DDHD1: variants seen among roughly 807,000 people sequenced by gnomAD.
DDHD1 encodes the protein DDHD domain containing 1.
Under a neutral mutation model 96.4 loss-of-function variants are expected in DDHD1, and 49 were observed. That is an observed-to-expected ratio of 0.51 (90% CI 0.40 to 0.64). The LOEUF is 0.64. Among genes scored for constraint, DDHD1 ranks in the 30% least tolerant of loss-of-function variants. The pLI is 0.00. For missense variants in DDHD1, 1,106 were observed against 1,161.2 expected (o/e 0.95, Z 0.69); for synonymous variants, 442 against 446.5 (o/e 0.99, Z 0.13).
intron 4 of DDHD1, among the ~76,000 whole-genome samples, chr14:53,085,640 G>C (rs1375350584): frequency 6.6e-6 from 1 of 152,148 alleles, no homozygotes; most frequent in Non-Finnish European, 1.5e-5. Flanking sequence ...AACCCCATCT[G>C]TACGTCACCA....
At chr14:53,142,642 C>G (rs1272762113) in intron 1 of DDHD1, among the ~76,000 whole-genome samples, 1 of 152,202 alleles carries the variant, frequency 6.6e-6, no homozygotes, top group Non-Finnish European at 1.5e-5. Flanking sequence ...TGCATACCAA[C>G]AAAAGCAGAT....
chr14:53,072,518 A>T (rs1416759766), intron 6 of DDHD1, 79 bp downstream of exon 6: 1 of 757,126 alleles, frequency 1.3e-6, no homozygotes, highest in Non-Finnish European at 2.0e-6. Context: ...GCTTAAAAAA[A>T]ACATAAAATG....
intron 11 of DDHD1, chr14:53,053,433 G>T (rs555092087): frequency 3.3e-5 from 5 of 152,194 alleles, no homozygotes; most frequent in African/African-American, 9.6e-5. Flanking sequence ...TAAAAATGCT[G>T]TTGGCCCAAG....
intron 2 of DDHD1, among the ~76,000 whole-genome samples, chr14:53,102,110 G>C (rs1217454774): frequency 6.7e-6 from 1 of 150,280 alleles, no homozygotes; most frequent in Non-Finnish European, 1.5e-5. Flanking sequence ...TTAACAGAAG[G>C]AAAAAAAAAT....
chr14:53,134,315 A>T (rs1008389130), intron 1 of DDHD1, among the ~76,000 whole-genome samples: 2 of 152,168 alleles, frequency 1.3e-5, no homozygotes, highest in Non-Finnish European at 2.9e-5. Context: ...ACTATCCCCA[A>T]TCAGCCACTC....
rs1303862102 is a variant in DDHD1 at position 53,038,708 on chromosome 14, C to G, written c.*8060G>C. The G allele has an allele frequency of 1.3e-5, 2 of 152,076 alleles. No homozygotes were observed. Among genetic ancestry groups the G allele is most frequent in the Non-Finnish European group, 1.5e-5 (1 of 68,006 alleles). 9.4% of individuals were successfully genotyped at this position (152,076 alleles called of 1,614,324 possible). A position where few individuals can be genotyped will look rare whatever the true frequency, so the allele number is the denominator to read the frequency against. Reference sequence around the variant, plus strand: ...CAACTATTCTAAAATTCAGATGGAACCAAAGAAAGAGCCTGAATAGCCAAA... The same window carrying G: ...CAACTATTCTAAAATTCAGATGGAAGCAAAGAAAGAGCCTGAATAGCCAAA... On this transcript the variant is annotated 3_prime_UTR_variant, in exon 13 of 13. Coordinates refer to ENST00000673822, the MANE Select transcript of DDHD1 (RefSeq NM_001160148.2).
intron 2 of DDHD1, among the ~76,000 whole-genome samples, chr14:53,102,538 C>T (rs901138540): frequency 6.6e-6 from 1 of 152,006 alleles, no homozygotes; most frequent in African/African-American, 2.4e-5. Flanking sequence ...ATTCAGAAGT[C>T]ACAAGTTTCC....
At chr14:53,115,955 A>G (rs1406033559) in intron 1 of DDHD1, among the ~76,000 whole-genome samples, 1 of 152,220 alleles carries the variant, frequency 6.6e-6, no homozygotes, top group African/African-American at 2.4e-5. Context: ...GTCAAGACCC[A>G]TTGGTGTGCT....
chr14:53,100,382 T>C (rs754081586), intron 2 of DDHD1, among the ~76,000 whole-genome samples: 3 of 151,780 alleles, frequency 2.0e-5, no homozygotes, highest in Non-Finnish European at 4.4e-5. Flanking sequence ...GGTGGGAGGG[T>C]CCTGGAGCCC....
chr14:53,138,628 C>A (rs1039866493), intron 1 of DDHD1, among the ~76,000 whole-genome samples: 1 of 152,042 alleles, frequency 6.6e-6, no homozygotes, highest in African/African-American at 2.4e-5. Flanking sequence ...GGTCACAGTG[C>A]AACTAACTAA....
At chr14:53,147,132 A>G (rs764040545) in intron 1 of DDHD1, among the ~76,000 whole-genome samples, 7 of 151,972 alleles carry the variant, frequency 4.6e-5, no homozygotes, top group Non-Finnish European at 1.0e-4. Flanking sequence ...CCTGACATAC[A>G]CTTTCCTCCC....
chr14:53,072,400 C>G (rs575816248), intron 6 of DDHD1, among the ~76,000 whole-genome samples, 197 bp downstream of exon 6: 2 of 151,986 alleles, frequency 1.3e-5, no homozygotes, highest in African/African-American at 4.8e-5. Flanking sequence ...AGTCCCCCAA[C>G]CTGAGACCAT....
intron 1 of DDHD1, among the ~76,000 whole-genome samples, chr14:53,151,952 G>T (rs1329736578): frequency 6.6e-6 from 1 of 152,184 alleles, no homozygotes; most frequent in Non-Finnish European, 1.5e-5. Flanking sequence ...GTAGGATCAC[G>T]AAATTAAACC....
chr14:53,095,994 G>T, intron 2 of DDHD1: 1 of 295,154 alleles, frequency 3.4e-6, no homozygotes, highest in Non-Finnish European at 5.0e-6. Context: ...TAAAGTAGCA[G>T]TAAACAAACT....
chr14:53,051,502 T>C (rs1218591726), intron 12 of DDHD1, among the ~76,000 whole-genome samples: 1 of 151,970 alleles, frequency 6.6e-6, no homozygotes, highest in African/African-American at 2.4e-5. Context: ...CCCTTTTATA[T>C]CTAAATGTAT....
At chr14:53,080,641 T>C (rs1885380874) in intron 4 of DDHD1, among the ~76,000 whole-genome samples, 1 of 151,864 alleles carries the variant, frequency 6.6e-6, no homozygotes, top group Non-Finnish European at 1.5e-5. Flanking sequence ...TCTCTATTCC[T>C]AAGTTCTAGA....
At chr14:53,090,434 T>C (rs111666419) in intron 4 of DDHD1, among the ~76,000 whole-genome samples, 24 of 152,224 alleles carry the variant, frequency 1.6e-4, no homozygotes, top group African/African-American at 4.6e-4. Flanking sequence ...CGTATGTTTA[T>C]TGCGGCACTA....
At chr14:53,061,858 A>G (rs958116848) in intron 7 of DDHD1, among the ~76,000 whole-genome samples, 1 of 151,912 alleles carries the variant, frequency 6.6e-6, no homozygotes, top group African/African-American at 2.4e-5. Context: ...ACATGGTGAA[A>G]TCTCATCTCT....
At chr14:53,048,967 T>C (rs1245611428) in intron 12 of DDHD1, 1 of 152,208 alleles carries the variant, frequency 6.6e-6, no homozygotes, top group Non-Finnish European at 1.5e-5. Flanking sequence ...CACTTCATAA[T>C]GTTTTCCTAG....
Sources: allele counts gnomAD v4.1 joint callset (sites outside exome capture counted in the v4.1 genomes callset), GRCh38; gene constraint gnomAD v4.1.1; transcripts MANE v1.5; gene names NCBI Gene and HGNC (gene_info 2026-07-23, HGNC 2026-07-21).